Variants in MIPEP observed in about 807,000 individuals in gnomAD.
The protein encoded by MIPEP is mitochondrial intermediate peptidase.
A neutral mutation model predicts 90.3 loss-of-function variants in MIPEP; 79 were observed. That is an observed-to-expected ratio of 0.87 (90% CI 0.73 to 1.05). The LOEUF (loss-of-function observed/expected upper bound fraction) is 1.05. MIPEP is among the 50% of genes least tolerant of loss of function. MIPEP has a pLI of 0.00. For synonymous variants in MIPEP, 334 were observed against 315.8 expected (o/e 1.06, Z -0.61); for missense variants, 940 against 905.6 (o/e 1.04, Z -0.49).
chr13:23,801,086 C>G (rs541956345), intron 16 of MIPEP, among the ~76,000 whole-genome samples: 157 of 152,246 alleles, frequency 1.0e-3, no homozygotes, highest in Non-Finnish European at 1.7e-3. Flanking sequence ...TTATATTTTC[C>G]TTTTCTCATT....
chr13:23,844,149 A>G (rs1318090290), intron 10 of MIPEP, among the ~76,000 whole-genome samples: 1 of 144,932 alleles, frequency 6.9e-6, no homozygotes, highest in African/African-American at 2.6e-5. Context: ...ATAGAGGGAG[A>G]CAGGGCCATT....
chr13:23,806,702 C>G (rs1039727594), intron 15 of MIPEP, among the ~76,000 whole-genome samples: 1 of 146,644 alleles, frequency 6.8e-6, no homozygotes, highest in Non-Finnish European at 1.5e-5. Flanking sequence ...ACAACAACAA[C>G]AACAAAAAAA....
rs140820506 is a variant in MIPEP, at chr13:23,889,322, C to G, written c.-2G>C. 357 of 1,343,604 alleles carry G rather than the reference C, an allele frequency of 2.7e-4. 1 individual carries two copies. The African/African-American group carries it at 4.5e-3, about 17-fold the overall frequency. The allele number at this position is 1,343,604 out of a possible 1,614,324, so 83.2% of individuals were successfully genotyped here. ...GCCCAGCCTTCCGACGCACAGCATT[C>G]TAGCACCAGAGCAGTCCCTTCCTCC... On this transcript the variant is annotated 5_prime_UTR_variant, in exon 1 of 19. Transcript: ENST00000382172.
chr13:23,874,217 G>C (rs921133943), intron 5 of MIPEP, among the ~76,000 whole-genome samples: 5 of 152,190 alleles, frequency 3.3e-5, no homozygotes, highest in African/African-American at 1.2e-4. Context: ...AGTCCCTCCT[G>C]TTCTTCCAAC....
intron 5 of MIPEP, among the ~76,000 whole-genome samples, chr13:23,873,161 G>A (rs987602914): frequency 2.0e-5 from 3 of 152,240 alleles, no homozygotes; most frequent in South Asian, 2.1e-4. Context: ...AAGCCTTCAT[G>A]GGGACTTCAG....
intron 14 of MIPEP, among the ~76,000 whole-genome samples, chr13:23,831,383 C>CCGGTGG (rs58008469): frequency 4.9e-5 from 2 of 40,922 alleles, no homozygotes; most frequent in East Asian, 4.7e-4. Context: ...TTCCCCATGG[C>CCGGTGG]GGGGGGGGGA....
At chr13:23,764,867 T>C (rs1952578648) in intron 16 of MIPEP, among the ~76,000 whole-genome samples, 1 of 152,256 alleles carries the variant, frequency 6.6e-6, no homozygotes, top group Non-Finnish European at 1.5e-5. Flanking sequence ...AACTATACTC[T>C]TAAATAGTAT....
At chr13:23,809,502 G>T (rs980314303) in intron 15 of MIPEP, among the ~76,000 whole-genome samples, 18 of 152,144 alleles carry the variant, frequency 1.2e-4, no homozygotes, top group South Asian at 8.3e-4. Flanking sequence ...GCACCACCAT[G>T]CCTGGCTAAT....
At chr13:23,770,418 TA>T (rs1383145962) in intron 16 of MIPEP, among the ~76,000 whole-genome samples, 1 of 151,878 alleles carries the variant, frequency 6.6e-6, no homozygotes, top group East Asian at 1.9e-4. Context: ...CTCTGATGAG[TA>T]AAAAAAGGGG....
intron 14 of MIPEP, among the ~76,000 whole-genome samples, chr13:23,810,876 A>G (rs1157294244): frequency 6.6e-6 from 1 of 152,244 alleles, no homozygotes; most frequent in African/African-American, 2.4e-5. Context: ...TGAAAGACAT[A>G]GAATCTGCTG....
In MIPEP at chr13:23,889,374, C is replaced by T. The variant is rs1871708113; in HGVS notation, c.-54G>A. Reference sequence around the variant, plus strand: ...ACGCAGATCCCTGCCCTGCTGCTTTCGCTGGGAGCGCGCGCTCCGCGTTTC... The same window carrying T: ...ACGCAGATCCCTGCCCTGCTGCTTTTGCTGGGAGCGCGCGCTCCGCGTTTC... On this transcript the variant is annotated 5_prime_UTR_variant, in exon 1 of 19. Coordinates refer to ENST00000382172, the MANE Select transcript of MIPEP (RefSeq NM_005932.4). 1 of 1,235,868 alleles carries T rather than the reference C, an allele frequency of 8.1e-7. No individual in the cohort carries two copies. Among genetic ancestry groups the T allele is most frequent in the Non-Finnish European group, 1.0e-6 (1 of 986,398 alleles). 76.6% of individuals were successfully genotyped at this position (1,235,868 alleles called of 1,614,324 possible).
chr13:23,735,663 T>C (rs1404665804), intron 18 of MIPEP, among the ~76,000 whole-genome samples: 1 of 152,184 alleles, frequency 6.6e-6, no homozygotes, highest in East Asian at 1.9e-4. Flanking sequence ...GAAAAATATA[T>C]ACACTTGTGG....
rs151320899 is a variant in MIPEP at position 23,775,045 on chromosome 13, T to A, written c.1849-14828A>T. ...AACTCCTGGCCTCAAATGATCCACC[T>A]GCCTTGGTCTCCCAAAATGCTGGGA... On this transcript the variant is annotated intron_variant, in intron 16 of 18. Transcript: ENST00000382172. Among the ~76,000 whole-genome samples, 532 of 152,110 alleles carry A rather than the reference T, an allele frequency of 3.5e-3. 2 individuals are homozygous for A. Among genetic ancestry groups the A allele is most frequent in the African/African-American group, 0.011 (442 of 41,486 alleles).
chr13:23,865,480 T>G (rs1348815578), intron 7 of MIPEP, among the ~76,000 whole-genome samples: 1 of 152,228 alleles, frequency 6.6e-6, no homozygotes, highest in African/African-American at 2.4e-5. Flanking sequence ...TAGGAATTTT[T>G]GGGGAACAAA....
At chr13:23,846,189 A>T (rs1216331229) in intron 10 of MIPEP, among the ~76,000 whole-genome samples, 1 of 152,094 alleles carries the variant, frequency 6.6e-6, no homozygotes, top group Non-Finnish European at 1.5e-5. Context: ...AGATATATTG[A>T]TGCTCTTTTT....
intron 18 of MIPEP, among the ~76,000 whole-genome samples, chr13:23,738,553 G>A (rs924686210): frequency 3.3e-5 from 5 of 150,718 alleles, no homozygotes; most frequent in Non-Finnish European, 7.4e-5. Context: ...GGGCTCAAGT[G>A]ATCCTTCCAC....
At position 23,879,177 on chromosome 13, in the gene MIPEP, G is replaced by A. The variant is rs1169227987; in HGVS notation, c.539+91C>T. The A allele has an allele frequency of 9.4e-6, 7 of 745,748 alleles. No homozygotes were observed. The African/African-American group carries it at 1.1e-4, about 11-fold the overall frequency. The allele number at this position is 745,748 out of a possible 1,614,324, so 46.2% of individuals were successfully genotyped here. The stretch of plus-strand genomic sequence containing the variant: ...CTGGGGAGGAACATTCCAGACAACA[G>A]AGGCTGCAAGTACAGAGGCCCTGAG... On this transcript the variant is annotated intron_variant, in intron 4 of 18. Transcript: ENST00000382172.
intron 16 of MIPEP, among the ~76,000 whole-genome samples, chr13:23,780,853 A>C (rs2137360904): frequency 6.6e-6 from 1 of 152,356 alleles, no homozygotes; most frequent in East Asian, 1.9e-4. Flanking sequence ...AAAGGGTATC[A>C]GTGATTAAAG....
Position 23,756,619 on chromosome 13 carries a change from C to T in MIPEP, c.1971-1G>A. The stretch of plus-strand genomic sequence containing the variant: ...CCTGCGATAGCGCTCCCCGGCAGCC[C>T]TGGGGAAGAGAGGTTCTGTTACAGA... On this transcript the variant is annotated splice_acceptor_variant, in intron 17 of 18. Transcript: ENST00000382172. LOFTEE classifies it high-confidence loss of function. 1 of 1,612,488 alleles carries T rather than the reference C, an allele frequency of 6.2e-7. No individual in the cohort carries two copies. The highest frequency in any genetic ancestry group is 8.5e-7 in the Non-Finnish European group (1 of 1,179,958).
Sources: gnomAD v4.1 joint callset for allele counts (sites outside exome capture counted in the v4.1 genomes callset) on GRCh38, gnomAD v4.1.1 for gene constraint, MANE v1.5 for transcripts, NCBI Gene and HGNC (gene_info 2026-07-23, HGNC 2026-07-21) for gene names.